Variants in LRRTM4 observed in about 807,000 individuals in gnomAD.
LRRTM4 encodes leucine-rich repeat transmembrane neuronal protein 4.
In LRRTM4, 25 loss-of-function variants were observed where a neutral mutation model predicts 47.6. The ratio of observed to expected loss-of-function variants is 0.53; its 90% confidence interval spans 0.38 to 0.73. LRRTM4 has a LOEUF of 0.73. Ranked by LOEUF, LRRTM4 falls within the 30% of genes least tolerant of loss-of-function variation. The probability of loss-of-function intolerance (pLI) is 0.00; values close to 1 mark genes in which losing one functional copy is unlikely to be tolerated. For missense variants in LRRTM4, 638 were observed against 713.4 expected, an observed-to-expected ratio of 0.89 and a Z score of 1.20; for synonymous variants, 311 against 269.5, an observed-to-expected ratio of 1.15 and a Z score of -1.51.
intron 3 of LRRTM4, chr2:76,772,969 G>A (rs1168769468): frequency 6.6e-6 from 1 of 152,132 alleles, no homozygotes; most frequent in Non-Finnish European, 1.5e-5. Context: ...GCTAAGCAGG[G>A]TAGGGCCTGT....
chr2:77,192,604 T>TAATTTAGTAAA (rs141038910), intron 3 of LRRTM4, among the ~76,000 whole-genome samples: 1 of 151,876 alleles, frequency 6.6e-6, no homozygotes, highest in Non-Finnish European at 1.5e-5. Flanking sequence ...TTTTGGTAAA[T>TAATTTAGTAAA]CATTCCAAAT....
chr2:76,783,225 C>A (rs141495753), intron 3 of LRRTM4, among the ~76,000 whole-genome samples: 26 of 152,212 alleles, frequency 1.7e-4, no homozygotes, highest in African/African-American at 5.8e-4. Context: ...AAGCAGTAAG[C>A]TAAATGTTGT....
rs192860657 is a variant in LRRTM4 at position 77,162,297 on chromosome 2, T to C, written c.1551+356021A>G. ...GTGGGGCGTCTGCCATTGCTGAGGCTTCAGTAGGTAAACAAAGTGGCCAGG... is the reference window on the plus strand; with the variant it reads ...GTGGGGCGTCTGCCATTGCTGAGGCCTCAGTAGGTAAACAAAGTGGCCAGG... On this transcript the variant is annotated intron_variant, in intron 3 of 3. Transcript: ENST00000409884. 3.3e-3 allele frequency among the ~76,000 whole-genome samples: 497 copies of C among 152,252 alleles called. 12 individuals carry two copies. Among genetic ancestry groups the C allele is most frequent in the Admixed American group, 0.023 (355 of 15,290 alleles).
At chr2:77,153,521 G>T (rs1186537931) in intron 3 of LRRTM4, among the ~76,000 whole-genome samples, 1 of 152,142 alleles carries the variant, frequency 6.6e-6, no homozygotes, top group Non-Finnish European at 1.5e-5. Context: ...ACCATGAAAA[G>T]AAATGTAGAA....
At chr2:76,816,853 T>G (rs1343229298) in intron 3 of LRRTM4, among the ~76,000 whole-genome samples, 2 of 99,724 alleles carry the variant, frequency 2.0e-5, no homozygotes, top group African/African-American at 8.9e-5. Context: ...TTTTTTTTTT[T>G]TTTTTTTTTG....
At chr2:77,291,299 G>A (rs948197372) in intron 3 of LRRTM4, among the ~76,000 whole-genome samples, 1 of 151,918 alleles carries the variant, frequency 6.6e-6, no homozygotes, top group Admixed American at 6.6e-5. Context: ...AGAAGAAAAT[G>A]GAAGAAAGTT....
At chr2:77,327,420 A>G (rs1004527820) in intron 3 of LRRTM4, among the ~76,000 whole-genome samples, 10 of 152,204 alleles carry the variant, frequency 6.6e-5, no homozygotes, top group African/African-American at 2.2e-4. Context: ...TTTGTAGCCT[A>G]TCCATAACAA....
chr2:77,219,933 T>G (rs1275941254), intron 3 of LRRTM4, among the ~76,000 whole-genome samples: 3 of 151,946 alleles, frequency 2.0e-5, no homozygotes, highest in African/African-American at 7.3e-5. Context: ...GACCCCCGAG[T>G]AGCCTAACTG....
intron 3 of LRRTM4, among the ~76,000 whole-genome samples, chr2:77,028,374 A>G (rs1172295394): frequency 6.6e-6 from 1 of 152,170 alleles, no homozygotes; most frequent in Non-Finnish European, 1.5e-5. Context: ...TTCCAGGAAA[A>G]ATGTTGAGTT....
intron 3 of LRRTM4, among the ~76,000 whole-genome samples, chr2:77,246,419 T>C (rs1323562647): frequency 3.9e-5 from 6 of 152,150 alleles, no homozygotes; most frequent in Admixed American, 6.6e-5. Context: ...AAATGAACAG[T>C]ATTGTGCATC....
At chr2:77,399,641 A>AT (rs1472863252) in intron 3 of LRRTM4, among the ~76,000 whole-genome samples, 1 of 151,914 alleles carries the variant, frequency 6.6e-6, no homozygotes, top group Admixed American at 6.6e-5. Flanking sequence ...AGTGCTCGTT[A>AT]TATTTTCACA....
At chr2:77,421,090 A>G (rs1674863973) in intron 3 of LRRTM4, among the ~76,000 whole-genome samples, 1 of 151,962 alleles carries the variant, frequency 6.6e-6, no homozygotes, top group African/African-American at 2.4e-5. Context: ...TTAGAAACCA[A>G]CTAGAAAAGG....
At chr2:77,010,095 T>C (rs1279577629) in intron 3 of LRRTM4, among the ~76,000 whole-genome samples, 1 of 152,070 alleles carries the variant, frequency 6.6e-6, no homozygotes, top group Admixed American at 6.6e-5. Context: ...TAATTCAAGC[T>C]ATTTAACATG....
rs989651093 is a variant in LRRTM4, at chr2:77,417,550, C to T, written c.1551+100768G>A. On this transcript the variant is annotated intron_variant, in intron 3 of 3. Transcript: ENST00000409884. ...AATGTGGCACATATACACCATGGAA[C>T]ACTATGCAGCCATAAAATATGATGA... Among the ~76,000 whole-genome samples, 10 of 152,194 alleles carry T rather than the reference C, an allele frequency of 6.6e-5. 1 individual carries two copies. The South Asian group carries it at 1.7e-3, about 25-fold the overall frequency.
intron 3 of LRRTM4, among the ~76,000 whole-genome samples, chr2:76,916,406 A>AAAAAAAAAAAAAAAAAG (rs1405457661): frequency 1.4e-5 from 2 of 146,742 alleles, no homozygotes; most frequent in African/African-American, 5.2e-5. Context: ...AAAAAAAAAA[A>AAAAAAAAAAAAAAAAAG]AGAAAAGAAA....
intron 3 of LRRTM4, among the ~76,000 whole-genome samples, chr2:77,086,345 C>T (rs1423505579): frequency 7.9e-5 from 12 of 151,870 alleles, no homozygotes; most frequent in Non-Finnish European, 1.3e-4. Context: ...AAAGTTTATG[C>T]TTTTCACCAA....
chr2:76,767,231 T>A (rs72917786), intron 3 of LRRTM4, among the ~76,000 whole-genome samples: 2,093 of 152,282 alleles, frequency 0.014, 52 homozygotes, highest in African/African-American at 0.047. Context: ...ATGCAGCAAT[T>A]TATATGGACG....
At chr2:76,753,827 A>G (rs1478459548) in intron 3 of LRRTM4, among the ~76,000 whole-genome samples, 1 of 152,132 alleles carries the variant, frequency 6.6e-6, no homozygotes, top group Admixed American at 6.6e-5. Context: ...TGATTGTGAA[A>G]GGCTTTTGAA....
chr2:77,469,728 CAT>C (rs902175031), intron 3 of LRRTM4, among the ~76,000 whole-genome samples: 10 of 2,834 alleles, frequency 3.5e-3, no homozygotes, highest in African/African-American at 7.7e-3. Flanking sequence ...ATATGTATAG[CAT>C]ATATATATAT....
Sources: allele counts gnomAD v4.1 joint callset (sites outside exome capture counted in the v4.1 genomes callset), GRCh38; gene constraint gnomAD v4.1.1; transcripts MANE v1.5; gene names NCBI Gene and HGNC (gene_info 2026-07-23, HGNC 2026-07-21).